The following DAZAP1 variants were observed in gnomAD, a reference collection of about 807,000 sequenced individuals.
DAZAP1 encodes the protein DAZ-associated protein 1.
A neutral mutation model predicts 60.1 loss-of-function variants in DAZAP1; 6 were observed. That is an observed-to-expected ratio of 0.10 (90% CI 0.05 to 0.20). The LOEUF is 0.20. Ranked by LOEUF, DAZAP1 falls within the 10% of genes least tolerant of loss-of-function variation. The pLI, the probability that DAZAP1 is intolerant of heterozygous loss-of-function variation, is 1.00. For synonymous variants in DAZAP1, 235 were observed against 215.9 expected, an observed-to-expected ratio of 1.09 and a Z score of -0.78; for missense variants, 366 against 560.4, an observed-to-expected ratio of 0.65 and a Z score of 3.50.
Position 1,425,540 on chromosome 19 carries a change from G to T in DAZAP1, c.464-338G>T, listed in dbSNP as rs369965486. On this transcript the variant is annotated intron_variant, in intron 6 of 11. Coordinates refer to ENST00000233078, the MANE Select transcript of DAZAP1 (RefSeq NM_018959.4). This position sits in a 1 kb window ranked among gnomAD's most constrained non-coding sequence, Gnocchi z 5.4. ...GCCAGTAGCGATGGAGGCCCTCACC[G>T]TTCCCCTGTCTCCGCTGCTGTTTTA... 6.6e-6 allele frequency among the ~76,000 whole-genome samples: 1 copy of T among 152,210 alleles called. No individual in the cohort carries two copies. Among genetic ancestry groups the T allele is most frequent in the Admixed American group, 6.5e-5 (1 of 15,280 alleles).
chr19:1,422,210 G>T lies in DAZAP1; in HGVS notation c.415-138G>T, dbSNP rs1053050557. On this transcript the variant is annotated intron_variant, in intron 5 of 11. Coordinates refer to ENST00000233078, the MANE Select transcript of DAZAP1 (RefSeq NM_018959.4). This position sits in a 1 kb window ranked among gnomAD's most constrained non-coding sequence, Gnocchi z 4.5. Reference sequence around the variant, plus strand: ...CAGACAGCAGCCCCACGGAGCAGCTGTTGCCCGTGCACCTCCCCCGCTCAG... The same window carrying T: ...CAGACAGCAGCCCCACGGAGCAGCTTTTGCCCGTGCACCTCCCCCGCTCAG... 2.3e-5 allele frequency: 17 copies of T among 723,446 alleles called. No homozygotes were observed. The South Asian group carries it at 2.8e-4, about 12-fold the overall frequency. 44.8% of individuals were successfully genotyped at this position (723,446 alleles called of 1,614,324 possible).
In DAZAP1 at chr19:1,433,369, C is replaced by G. The variant is rs909465482; in HGVS notation, c.1048+679C>G. 1.4e-5 allele frequency: 4 copies of G among 282,778 alleles called. No individual in the cohort carries two copies. Among genetic ancestry groups the G allele is most frequent in the African/African-American group, 8.9e-5 (4 of 44,908 alleles). 17.5% of individuals were successfully genotyped at this position (282,778 alleles called of 1,614,324 possible). ...GCAGGGCTCCAACTACGGTCAGCTC[C>G]TCCAGCACCAGGGGTCATTCACAAG... On this transcript the variant is annotated intron_variant, in intron 11 of 11. Coordinates refer to ENST00000233078, the MANE Select transcript of DAZAP1 (RefSeq NM_018959.4). This position sits in a 1 kb window ranked among gnomAD's most constrained non-coding sequence, Gnocchi z 6.1.
intron 10 of DAZAP1, among the ~76,000 whole-genome samples, chr19:1,431,775 C>G (rs1224535093): frequency 1.3e-5 from 2 of 152,218 alleles, no homozygotes; most frequent in Admixed American, 1.3e-4. Context: ...CCTTGCGTCC[C>G]TTACCTGCCT....
At chr19:1,408,175 A>AC (rs2082719690) in intron 1 of DAZAP1, among the ~76,000 whole-genome samples, 1 of 148,940 alleles carries the variant, frequency 6.7e-6, no homozygotes, top group South Asian at 2.1e-4. Context: ...GTCCTGAGGG[A>AC]CCCCGAATGG....
At chr19:1,430,510 C>T in intron 10 of DAZAP1, 148 bp downstream of exon 10, 1 of 685,972 alleles carries the variant, frequency 1.5e-6, no homozygotes, top group Non-Finnish European at 2.3e-6. Context: ...GCCACCAGGC[C>T]CTTCACCTGC....
intron 1 of DAZAP1, among the ~76,000 whole-genome samples, chr19:1,408,238 C>G (rs963539703): frequency 2.1e-4 from 32 of 152,114 alleles, no homozygotes; most frequent in African/African-American, 7.7e-4. Context: ...GTGGCGGCCC[C>G]GAACGGGAAC....
chr19:1,417,482 T>C lies in DAZAP1; in HGVS notation c.30-18T>C. ...CGAGCGCTGTCTTGATCCTGAATGT[T>C]TTCTCATTGAATCGCAGGAAGCTCT... On this transcript the variant is annotated intron_variant, in intron 1 of 11. Transcript: ENST00000233078. 1 of 1,598,786 alleles carries C rather than the reference T, an allele frequency of 6.3e-7. No individual in the cohort carries two copies. The highest frequency in any genetic ancestry group is 8.5e-7 in the Non-Finnish European group (1 of 1,173,018).
rs868079248 is a variant in DAZAP1 at position 1,418,489 on chromosome 19, T to C, written c.237+119T>C. 5 of 1,438,772 alleles carry C rather than the reference T, an allele frequency of 3.5e-6. No individual in the cohort carries two copies. The highest frequency in any genetic ancestry group is 1.2e-5 in the South Asian group (1 of 82,762). The allele number at this position is 1,438,772 out of a possible 1,614,324, so 89.1% of individuals were successfully genotyped here. ...AGAGTATGTTTGAACGTGGGGTCGA[T>C]TGGGAAGGATTAAGCCTTGGTGCTG... On this transcript the variant is annotated intron_variant, in intron 3 of 11. Transcript: ENST00000233078. This position sits in a 1 kb window ranked among gnomAD's most constrained non-coding sequence, Gnocchi z 5.7.
At chr19:1,427,325 C>G (rs913653517) in intron 7 of DAZAP1, 18 of 152,462 alleles carry the variant, frequency 1.2e-4, no homozygotes, top group African/African-American at 1.4e-4. Context: ...CCCTGGGTCC[C>G]CCCAGCCATG....
Position 1,430,259 on chromosome 19 carries a change from CCCGCCACCCCCA to C in DAZAP1, c.772_783del (p.Pro258_Pro261del). 7.9e-7 allele frequency: 1 copy of C among 1,267,332 alleles called. No homozygotes were observed. The highest frequency in any genetic ancestry group is 1.1e-6 in the Non-Finnish European group (1 of 896,100). 78.5% of individuals were successfully genotyped at this position (1,267,332 alleles called of 1,614,324 possible). ...CGCCCCCTGCAGGAAGAGGAGCCCC[CCCGCCACCCCCA>C]CCGTTCACCTCCTACATCGTGTCCA... is the stretch of plus-strand genomic sequence containing the variant. On this transcript the variant is annotated inframe_deletion, in exon 10 of 12. Transcript: ENST00000233078.
Position 1,413,989 on chromosome 19 carries a change from C to CTGTGTGTGTGTG in DAZAP1, c.30-3479_30-3468dup, listed in dbSNP as rs3065755. Among the ~76,000 whole-genome samples, 1,017 of 130,140 alleles carry CTGTGTGTGTGTG rather than the reference C, an allele frequency of 7.8e-3. 6 individuals are homozygous for CTGTGTGTGTGTG. The highest frequency in any genetic ancestry group is 0.016 in the Middle Eastern group (4 of 258). 85.4% of individuals were successfully genotyped at this position (130,140 alleles called of 152,430 possible). On this transcript the variant is annotated intron_variant, in intron 1 of 11. Transcript: ENST00000233078. Reference sequence around the variant, plus strand: ...TGCCTCTTGCCCCACCCCCAGTGAACTGTGTGTGTGTGTGTGTGTGTGTGT... The same window carrying CTGTGTGTGTGTG: ...TGCCTCTTGCCCCACCCCCAGTGAACTGTGTGTGTGTGTGTGTGTGTGTGTGTGTGTGTGTGT...
chr19:1,415,143 TC>T (rs751398992), intron 1 of DAZAP1, among the ~76,000 whole-genome samples: 1 of 152,066 alleles, frequency 6.6e-6, no homozygotes, highest in Non-Finnish European at 1.5e-5. Flanking sequence ...TTCTAGCCCT[TC>T]CCCCTTAATA....
rs776233746 is a variant in DAZAP1 at position 1,433,761 on chromosome 19, C to T, written c.1049-976C>T. ...CAGGCCTGGGTTCCTATTCTCCAGCCCCGCCGGGCTGCGGCCCACACTTTG... is the reference window on the plus strand; with the variant it reads ...CAGGCCTGGGTTCCTATTCTCCAGCTCCGCCGGGCTGCGGCCCACACTTTG... On this transcript the variant is annotated intron_variant, in intron 11 of 11. Coordinates refer to ENST00000233078, the MANE Select transcript of DAZAP1 (RefSeq NM_018959.4). The surrounding 1 kb of genome is among the most constrained non-coding windows in gnomAD (Gnocchi z 6.1). 4 of 1,613,940 alleles carry T rather than the reference C, an allele frequency of 2.5e-6. No individual in the cohort carries two copies. The highest frequency in any genetic ancestry group is 3.4e-6 in the Non-Finnish European group (4 of 1,179,890).
rs546843907 is a variant in DAZAP1, at chr19:1,422,850, C to G, written c.463+454C>G. On this transcript the variant is annotated intron_variant, in intron 6 of 11. Coordinates refer to ENST00000233078, the MANE Select transcript of DAZAP1 (RefSeq NM_018959.4). The surrounding 1 kb of genome is among the most constrained non-coding windows in gnomAD (Gnocchi z 4.5). ...TTTCTTTCTTTTTTCCTTTTCTTTTCTTTTTCTTTTTTTTCAGTTTTCTCC... is the reference window on the plus strand; with the variant it reads ...TTTCTTTCTTTTTTCCTTTTCTTTTGTTTTTCTTTTTTTTCAGTTTTCTCC... Among the ~76,000 whole-genome samples, 96 of 149,872 alleles carry G rather than the reference C, an allele frequency of 6.4e-4. 2 individuals are homozygous for G. The highest frequency in any genetic ancestry group is 9.3e-4 in the Admixed American group (14 of 15,072).
chr19:1,418,205 G>C lies in DAZAP1; in HGVS notation c.72G>C (p.Glu24Asp). 1 of 1,613,912 alleles carries C rather than the reference G, an allele frequency of 6.2e-7. No homozygotes were observed. Among genetic ancestry groups the C allele is most frequent in the South Asian group, 1.1e-5 (1 of 91,070 alleles). Residue 24 changes from glutamate to aspartate, a missense_variant and splice_region_variant, in exon 3 of 12, where the codon GAG becomes GAC. Transcript: ENST00000233078. This position sits in a 1 kb window ranked among gnomAD's most constrained non-coding sequence, Gnocchi z 5.7. ...VGGLDWSTTQ[E>D]TLRSYFSQYG... ...GTTTTCTTCCCGATTTCTGAGCAGA[G>C]ACTCTGCGCAGCTACTTTTCCCAAT...
At chr19:1,421,591 G>A (rs551117158) in intron 5 of DAZAP1, among the ~76,000 whole-genome samples, 2 of 152,352 alleles carry the variant, frequency 1.3e-5, no homozygotes, top group East Asian at 1.9e-4. Context: ...TGGCCTGGGC[G>A]AGCCAGCCCC....
rs1354634591 is a variant in DAZAP1, at chr19:1,423,915, G to A, written c.463+1519G>A. ...GTACAGAGCACTTCGGGGCCAGCAC[G>A]TGGCCACATGTCCTTAGCTGTTGGG... On this transcript the variant is annotated intron_variant, in intron 6 of 11. Transcript: ENST00000233078. This position sits in a 1 kb window ranked among gnomAD's most constrained non-coding sequence, Gnocchi z 6.8. 1.3e-5 allele frequency among the ~76,000 whole-genome samples: 2 copies of A among 152,240 alleles called. No homozygotes were observed. The highest frequency in any genetic ancestry group is 6.5e-5 in the Admixed American group (1 of 15,290).
intron 1 of DAZAP1, among the ~76,000 whole-genome samples, chr19:1,414,091 G>C (rs1169501172): frequency 2.0e-5 from 3 of 151,192 alleles, no homozygotes; most frequent in Non-Finnish European, 2.9e-5. Context: ...TCTTGGCTCA[G>C]TGCAACCTCC....
At chr19:1,411,551 G>A (rs1189780760) in intron 1 of DAZAP1, among the ~76,000 whole-genome samples, 3 of 152,156 alleles carry the variant, frequency 2.0e-5, no homozygotes, top group Non-Finnish European at 4.4e-5. Flanking sequence ...GGCTCGCCTT[G>A]GCTCCAATGG....
Sources: allele counts gnomAD v4.1 joint callset (sites outside exome capture counted in the v4.1 genomes callset), GRCh38; gene constraint gnomAD v4.1.1; non-coding constraint Gnocchi (gnomAD v3.1); transcripts MANE v1.5; gene names NCBI Gene and HGNC (gene_info 2026-07-23, HGNC 2026-07-21).